The following PLSCR4 variants were observed in gnomAD, a reference collection of about 807,000 sequenced individuals.
The protein encoded by PLSCR4 is Ca(2+)-dependent phospholipid scramblase 4.
Under a neutral mutation model 36.3 loss-of-function variants are expected in PLSCR4, and 25 were observed. The ratio of observed to expected loss-of-function variants is 0.69; its 90% CI spans 0.50 to 0.96. The LOEUF (loss-of-function observed/expected upper bound fraction) is 0.96. Among genes scored for constraint, PLSCR4 ranks in the 40% least tolerant of loss-of-function variants. PLSCR4 has a pLI of 0.00. For missense variants in PLSCR4, 408 were observed against 414.7 expected (o/e 0.98, Z 0.14); for synonymous variants, 122 against 132.9 (o/e 0.92, Z 0.56).
At chr3:146,205,958 T>C (rs2108238848) in intron 4 of PLSCR4, among the ~76,000 whole-genome samples, 1 of 152,224 alleles carries the variant, frequency 6.6e-6, no homozygotes. Context: ...GGCAGCAGAA[T>C]ATCTACATAG....
chr3:146,240,696 T>A (rs1219063787), intron 1 of PLSCR4, among the ~76,000 whole-genome samples: 1 of 101,012 alleles, frequency 9.9e-6, no homozygotes, highest in Non-Finnish European at 2.6e-5. Context: ...AGGAGAGATA[T>A]GTAGATATCG....
At chr3:146,247,630 G>A (rs75434751) in intron 1 of PLSCR4, among the ~76,000 whole-genome samples, 2,580 of 152,140 alleles carry the variant, frequency 0.017, 71 homozygotes, top group African/African-American at 0.057. Flanking sequence ...TTGTCATGCA[G>A]TTTTATTTTT....
rs187880313 is a variant in PLSCR4 at position 146,198,577 on chromosome 3, T to C, written c.624+1236A>G. ...CACCAGGCCTGGCTAATTTTTTTAT[T>C]TTTTATTTTTGTAGAGATGGGGTTT... On this transcript the variant is annotated intron_variant, in intron 6 of 8. Coordinates refer to ENST00000354952, the MANE Select transcript of PLSCR4 (RefSeq NM_020353.3). Among the ~76,000 whole-genome samples, 19 of 152,148 alleles carry C rather than the reference T, an allele frequency of 1.2e-4. 1 individual carries two copies. Among genetic ancestry groups the C allele is most frequent in the Admixed American group, 1.2e-3 (19 of 15,262 alleles).
intron 1 of PLSCR4, among the ~76,000 whole-genome samples, chr3:146,234,224 G>A (rs1032050576): frequency 2.6e-5 from 4 of 151,996 alleles, no homozygotes; most frequent in Non-Finnish European, 2.9e-5. Flanking sequence ...GGTATCCCTG[G>A]CCCAATACTG....
intron 6 of PLSCR4, among the ~76,000 whole-genome samples, chr3:146,197,468 T>G (rs1425077531): frequency 6.6e-6 from 1 of 152,130 alleles, no homozygotes; most frequent in African/African-American, 2.4e-5. Context: ...ACTTTTTAGA[T>G]TTGAAATTGG....
At chr3:146,195,383 G>A in intron 7 of PLSCR4, 101 bp from the exon 8 acceptor site, 1 of 941,422 alleles carries the variant, frequency 1.1e-6, no homozygotes, top group Non-Finnish European at 1.6e-6. Context: ...TGCAGAAAAA[G>A]ACTATGTAAT....
At position 146,199,731 on chromosome 3, in the gene PLSCR4, T is replaced by C. The variant is rs143501219; in HGVS notation, c.624+82A>G. 4.1e-3 allele frequency: 4,651 copies of C among 1,134,212 alleles called. 17 individuals carry two copies. The highest frequency in any genetic ancestry group is 5.6e-3 in the Non-Finnish European group (4,265 of 765,970). The allele number at this position is 1,134,212 out of a possible 1,614,324, so 70.3% of individuals were successfully genotyped here. ...TGGCTGGCAGGGCCAGGGAATATCC[T>C]CCCTATGTAGTGGAAGGAGCACACT... On this transcript the variant is annotated intron_variant, in intron 6 of 8. Coordinates refer to ENST00000354952, the MANE Select transcript of PLSCR4 (RefSeq NM_020353.3).
chr3:146,240,528 C>T (rs574413292), intron 1 of PLSCR4, among the ~76,000 whole-genome samples: 1 of 152,254 alleles, frequency 6.6e-6, no homozygotes, highest in East Asian at 1.9e-4. Context: ...TTTCTTGAGA[C>T]CAGGAGTTCG....
At chr3:146,238,634 T>C (rs987418695) in intron 1 of PLSCR4, among the ~76,000 whole-genome samples, 4 of 152,164 alleles carry the variant, frequency 2.6e-5, no homozygotes, top group East Asian at 1.9e-4. Flanking sequence ...TCTAGAAATA[T>C]AGAACTTTCT....
chr3:146,233,329 A>G (rs1032722669), intron 1 of PLSCR4, among the ~76,000 whole-genome samples: 2 of 152,132 alleles, frequency 1.3e-5, no homozygotes, highest in East Asian at 3.9e-4. Flanking sequence ...TTAACATATC[A>G]CCAAACCACA....
At chr3:146,249,134 C>G (rs1262376582) in intron 1 of PLSCR4, among the ~76,000 whole-genome samples, 4 of 151,794 alleles carry the variant, frequency 2.6e-5, no homozygotes, top group African/African-American at 4.8e-5. Flanking sequence ...CAGTTTGTAT[C>G]TTTTTTGGGG....
intron 1 of PLSCR4, among the ~76,000 whole-genome samples, chr3:146,228,192 A>G (rs995148773): frequency 1.1e-4 from 16 of 152,222 alleles, no homozygotes; most frequent in Non-Finnish European, 2.1e-4. Flanking sequence ...AGTGCCTGCC[A>G]TATAAAAAAT....
At chr3:146,208,190 T>C (rs1559905502) in intron 3 of PLSCR4, among the ~76,000 whole-genome samples, 1 of 152,146 alleles carries the variant, frequency 6.6e-6, no homozygotes, top group African/African-American at 2.4e-5. Context: ...AAGGACACCC[T>C]ATTCAACAAA....
At chr3:146,213,195 A>C (rs1224895648) in intron 3 of PLSCR4, among the ~76,000 whole-genome samples, 1 of 152,086 alleles carries the variant, frequency 6.6e-6, no homozygotes, top group Non-Finnish European at 1.5e-5. Context: ...TTTTCTTGTA[A>C]CATCTATGTC....
At chr3:146,236,596 C>T (rs184330849) in intron 1 of PLSCR4, among the ~76,000 whole-genome samples, 30 of 152,186 alleles carry the variant, frequency 2.0e-4, no homozygotes, top group Admixed American at 6.5e-4. Context: ...GGGGAAGTTT[C>T]CCTGCACAAG....
chr3:146,206,109 T>G (rs2034314253), intron 4 of PLSCR4, among the ~76,000 whole-genome samples: 1 of 152,088 alleles, frequency 6.6e-6, no homozygotes, highest in Admixed American at 6.6e-5. Context: ...AAATGATGGG[T>G]GGTGGTAAAA....
chr3:146,199,494 T>C (rs1025427705), intron 6 of PLSCR4, among the ~76,000 whole-genome samples: 1 of 152,154 alleles, frequency 6.6e-6, no homozygotes, highest in Non-Finnish European at 1.5e-5. Context: ...TATCTAGTGA[T>C]AGGTACGTAC....
chr3:146,210,747 TCTC>T (rs2034571951), intron 3 of PLSCR4, among the ~76,000 whole-genome samples: 1 of 151,976 alleles, frequency 6.6e-6, no homozygotes, highest in African/African-American at 2.4e-5. Flanking sequence ...GCAATTTCCA[TCTC>T]CTCTTCCCCA....
intron 1 of PLSCR4, among the ~76,000 whole-genome samples, chr3:146,231,001 T>TTTTTTTTTTTTTTTTTTG (rs1309172017): frequency 1.3e-5 from 2 of 152,100 alleles, no homozygotes; most frequent in African/African-American, 4.8e-5. Context: ...GGTAGTTTTT[T>TTTTTTTTTTTTTTTTTTG]AACCCTTACC....
Sources: allele counts gnomAD v4.1 joint callset (sites outside exome capture counted in the v4.1 genomes callset), GRCh38; gene constraint gnomAD v4.1.1; transcripts MANE v1.5; gene names NCBI Gene and HGNC (gene_info 2026-07-23, HGNC 2026-07-21).